UGGT1: variants seen among roughly 807,000 people sequenced by gnomAD.
The protein encoded by UGGT1 is UDP-glucose:glycoprotein glucosyltransferase 1.
UGGT1 carries 107 observed loss-of-function variants against 203.9 expected under a neutral mutation model. The observed-to-expected ratio is 0.52, with a 90% CI of 0.45 to 0.62. UGGT1 has a LOEUF of 0.62. Among genes scored for constraint, UGGT1 ranks in the 20% least tolerant of loss-of-function variants. The pLI is 0.00. For synonymous variants in UGGT1, 628 were observed against 653.5 expected (o/e 0.96, Z 0.59); for missense variants, 1,673 against 1,867.2 (o/e 0.90, Z 1.92).
At chr2:128,103,821 G>C in intron 2 of UGGT1, 111 bp from the exon 3 acceptor site, 1 of 630,252 alleles carries the variant, frequency 1.6e-6, no homozygotes, top group East Asian at 3.4e-5. Context: ...TAGATTAAAA[G>C]TCAAACTATG....
chr2:128,169,469 G>A (rs1690980721), intron 26 of UGGT1, among the ~76,000 whole-genome samples: 1 of 152,204 alleles, frequency 6.6e-6, no homozygotes, highest in Admixed American at 6.5e-5. Flanking sequence ...TTGTAAATTT[G>A]TTTAGTTCTT....
chr2:128,177,720 GAATT>G, intron 32 of UGGT1, 108 bp from the exon 33 acceptor site: 1 of 856,256 alleles, frequency 1.2e-6, no homozygotes, highest in Non-Finnish European at 1.8e-6. Context: ...GTTTGTGAGA[GAATT>G]GATTGATAAT....
intron 2 of UGGT1, 129 bp downstream of exon 2, chr2:128,097,693 T>A (rs10928803): frequency 5.0e-6 from 6 of 1,188,594 alleles, no homozygotes; most frequent in Non-Finnish European, 7.0e-6. Flanking sequence ...TTTCAGTGTA[T>A]ACTGTAGGAT....
intron 11 of UGGT1, among the ~76,000 whole-genome samples, chr2:128,124,893 T>A (rs1281779442): frequency 6.6e-6 from 1 of 152,208 alleles, no homozygotes; most frequent in Non-Finnish European, 1.5e-5. Flanking sequence ...TTTTCAGTGG[T>A]GGAGGCCTTC....
At chr2:128,173,210 T>C (rs1225517864) in intron 29 of UGGT1, among the ~76,000 whole-genome samples, 2 of 152,240 alleles carry the variant, frequency 1.3e-5, no homozygotes, top group African/African-American at 4.8e-5. Flanking sequence ...GTATCGACGC[T>C]TCACTCTTTT....
Position 128,190,045 on chromosome 2 carries a change from T to C in UGGT1, c.*303T>C, listed in dbSNP as rs1489009031. Reference sequence around the variant, plus strand: ...AGCAACTGGAAGAAAATGAGTTTTTTGGTGCCCACACCCAAGAGCACACAC... The same window carrying C: ...AGCAACTGGAAGAAAATGAGTTTTTCGGTGCCCACACCCAAGAGCACACAC... On this transcript the variant is annotated 3_prime_UTR_variant, in exon 41 of 41. Coordinates refer to ENST00000259253, the MANE Select transcript of UGGT1 (RefSeq NM_020120.4). 1 of 299,614 alleles carries C rather than the reference T, an allele frequency of 3.3e-6. No individual in the cohort carries two copies. The highest frequency in any genetic ancestry group is 5.8e-5 in the East Asian group (1 of 17,336). 18.6% of individuals were successfully genotyped at this position (299,614 alleles called of 1,614,324 possible).
At chr2:128,169,351 A>G (rs1037570403) in intron 26 of UGGT1, among the ~76,000 whole-genome samples, 14 of 152,218 alleles carry the variant, frequency 9.2e-5, no homozygotes, top group African/African-American at 2.9e-4. Context: ...AGCCTGGGCC[A>G]CAGAGTGAGA....
chr2:128,167,789 G>T (rs1003012735), intron 26 of UGGT1, among the ~76,000 whole-genome samples: 2 of 151,560 alleles, frequency 1.3e-5, no homozygotes, highest in Non-Finnish European at 1.5e-5. Flanking sequence ...CTCTTTCCTT[G>T]TTTTTTTTCG....
chr2:128,176,353 A>G (rs1432334633), intron 31 of UGGT1, among the ~76,000 whole-genome samples: 1 of 143,238 alleles, frequency 7.0e-6, no homozygotes, highest in East Asian at 2.1e-4. Context: ...TGGAGGTTGC[A>G]TTGAGCCGAG....
chr2:128,132,216 T>C (rs1688912620), intron 13 of UGGT1, among the ~76,000 whole-genome samples: 1 of 151,918 alleles, frequency 6.6e-6, no homozygotes, highest in African/African-American at 2.4e-5. Flanking sequence ...TTTTTTTTTT[T>C]CCGATTTTTT....
chr2:128,114,400 G>A (rs1688001590), intron 6 of UGGT1, among the ~76,000 whole-genome samples: 1 of 152,178 alleles, frequency 6.6e-6, no homozygotes, highest in Non-Finnish European at 1.5e-5. Flanking sequence ...TTACAGGCGT[G>A]AGTCACTGTG....
At chr2:128,115,874 G>A (rs910972582) in intron 7 of UGGT1, among the ~76,000 whole-genome samples, 1 of 152,048 alleles carries the variant, frequency 6.6e-6, no homozygotes, top group African/African-American at 2.4e-5. Flanking sequence ...TTCAATAATT[G>A]TATTAGGATT....
Position 128,117,838 on chromosome 2 carries a change from C to T in UGGT1, c.872+1495C>T, listed in dbSNP as rs373439104. ...TGCTGGGATTACAGGTGTGAGCCAC[C>T]GTGCCTGGCCTGGAACGTCTTCTTA... is the stretch of plus-strand genomic sequence containing the variant. On this transcript the variant is annotated intron_variant, in intron 8 of 40. Coordinates refer to ENST00000259253, the MANE Select transcript of UGGT1 (RefSeq NM_020120.4). Among the ~76,000 whole-genome samples, 20 of 152,138 alleles carry T rather than the reference C, an allele frequency of 1.3e-4. No individual in the cohort carries two copies. The East Asian group carries it at 3.5e-3, about 26-fold the overall frequency.
intron 1 of UGGT1, among the ~76,000 whole-genome samples, chr2:128,092,028 A>G (rs192777516): frequency 5.9e-5 from 9 of 152,210 alleles, no homozygotes; most frequent in South Asian, 2.1e-4. Flanking sequence ...AGAAGGAGCA[A>G]TTTTGTTCGT....
chr2:128,135,642 T>G (rs892441464), intron 15 of UGGT1, among the ~76,000 whole-genome samples: 3 of 152,048 alleles, frequency 2.0e-5, no homozygotes, highest in African/African-American at 2.4e-5. Flanking sequence ...CATGTATGCC[T>G]TATTCTACCT....
intron 29 of UGGT1, among the ~76,000 whole-genome samples, chr2:128,173,530 T>A (rs1487990901): frequency 1.3e-5 from 2 of 152,212 alleles, no homozygotes; most frequent in East Asian, 3.8e-4. Flanking sequence ...ATAGCCACGA[T>A]GCAGAACATT....
At chr2:128,140,792 T>A (rs1458656906) in intron 16 of UGGT1, among the ~76,000 whole-genome samples, 1 of 152,144 alleles carries the variant, frequency 6.6e-6, no homozygotes, top group African/African-American at 2.4e-5. Flanking sequence ...TCCTCCTGCC[T>A]CAGCTTCCTG....
chr2:128,171,025 G>A lies in UGGT1; in HGVS notation c.3025-180G>A, dbSNP rs115156196. Among the ~76,000 whole-genome samples the A allele has an allele frequency of 4.3e-3, 649 of 152,292 alleles. 3 individuals are homozygous for A. Among genetic ancestry groups the A allele is most frequent in the African/African-American group, 0.015 (623 of 41,564 alleles). ...CCTACTTCCCATTGCTTTTGGCCAC[G>A]TCCTATGTATGTGTGATGTAGATTG... is the stretch of plus-strand genomic sequence containing the variant. On this transcript the variant is annotated intron_variant, in intron 27 of 40. Coordinates refer to ENST00000259253, the MANE Select transcript of UGGT1 (RefSeq NM_020120.4).
At position 128,151,231 on chromosome 2, in the gene UGGT1, T is replaced by C. The variant is rs1689948155; in HGVS notation, c.2017-1553T>C. ...TAGCTCCTATTTTTGTTTCTTCTGC[T>C]CCTCTTTTTGTTTCTGCTTGAAAGT... On this transcript the variant is annotated intron_variant, in intron 18 of 40. Transcript: ENST00000259253. 1.2e-5 allele frequency: 7 copies of C among 596,318 alleles called. No homozygotes were observed. In the East Asian group the frequency reaches 1.2e-4, roughly 10 times the overall value. The allele number at this position is 596,318 out of a possible 1,614,324, so 36.9% of individuals were successfully genotyped here.
Sources: gnomAD v4.1 joint callset for allele counts (sites outside exome capture counted in the v4.1 genomes callset) on GRCh38, gnomAD v4.1.1 for gene constraint, MANE v1.5 for transcripts, NCBI Gene and HGNC (gene_info 2026-07-23, HGNC 2026-07-21) for gene names.